Variants in ZNF30 observed in about 807,000 individuals in gnomAD.
ZNF30 encodes the protein zinc finger protein 30.
A neutral mutation model predicts 13.2 loss-of-function variants in ZNF30; 15 were observed. The ratio of observed to expected loss-of-function variants is 1.13; its 90% CI spans 0.76 to 1.75. ZNF30 has a LOEUF of 1.75. Among genes scored for constraint, ZNF30 ranks in the 40% most tolerant of loss-of-function variants. The probability of loss-of-function intolerance (pLI) is 0.00; values close to 1 mark genes in which losing one functional copy is unlikely to be tolerated. For missense variants in ZNF30, 726 were observed against 757.0 expected (o/e 0.96, Z 0.48); for synonymous variants, 223 against 256.6 (o/e 0.87, Z 1.25).
In ZNF30 at chr19:34,944,124, T is replaced by C. The variant is rs761591012; in HGVS notation, c.1158T>C (p.Tyr386=). ...ECGRTFSRAS[Y]LVQHGRLHTG... is the part of the protein sequence containing the mutation. ...GGAGAACCTTCAGTCGTGCCTCATA[T>C]CTTGTTCAACATGGAAGACTTCACA... is the stretch of plus-strand genomic sequence containing the variant. Residue 386 remains tyrosine (Y), a synonymous_variant, in exon 5 of 5, where the codon TAT becomes TAC. Transcript: ENST00000601142. 12 of 1,613,168 alleles carry C rather than the reference T, an allele frequency of 7.4e-6. No homozygotes were observed. The Admixed American group carries it at 1.2e-4, about 16-fold the overall frequency.
intron 2 of ZNF30, among the ~76,000 whole-genome samples, chr19:34,930,967 G>T (rs529061973): frequency 6.6e-6 from 1 of 152,052 alleles, no homozygotes. Context: ...TACCAGAACT[G>T]GGGAAAACTG....
intron 2 of ZNF30, among the ~76,000 whole-genome samples, chr19:34,931,013 A>G (rs564015126): frequency 1.3e-5 from 2 of 151,618 alleles, no homozygotes; most frequent in East Asian, 3.9e-4. Flanking sequence ...TAAGTATAAA[A>G]TCATTACTTT....
chr19:34,931,947 G>C lies in ZNF30; in HGVS notation c.114G>C (p.Leu38Phe), dbSNP rs1412945426. Residue 38 changes from leucine (L) to phenylalanine (F), a missense_variant, in exon 3 of 5, where the codon TTG becomes TTC. Leu to Phe is a conservative substitution (Grantham distance 22). Coordinates refer to ENST00000601142, the MANE Select transcript of ZNF30 (RefSeq NM_194325.3). ...WESLDSSQRG[L>F]YRDVMLENYR... Reference sequence around the variant, plus strand: ...GTCTGGACTCTTCCCAGAGGGGCTTGTACAGAGATGTGATGTTGGAGAACT... The same window carrying C: ...GTCTGGACTCTTCCCAGAGGGGCTTCTACAGAGATGTGATGTTGGAGAACT... 1 of 1,609,658 alleles carries C rather than the reference G, an allele frequency of 6.2e-7. No homozygotes were observed. The highest frequency in any genetic ancestry group is 1.7e-5 in the Admixed American group (1 of 58,750).
At chr19:34,928,220 A>AAAAAATATATATAT (rs1555778254) in intron 1 of ZNF30, among the ~76,000 whole-genome samples, 2 of 73,414 alleles carry the variant, frequency 2.7e-5, no homozygotes, top group South Asian at 5.0e-4. Context: ...AAAAAAAAAA[A>AAAAAATATATATAT]ATATATATAT....
At chr19:34,941,466 T>C (rs1168709920) in intron 4 of ZNF30, among the ~76,000 whole-genome samples, 2 of 152,238 alleles carry the variant, frequency 1.3e-5, no homozygotes, top group Non-Finnish European at 1.5e-5. Context: ...GGTTTTGCCA[T>C]GTTGGCCAGG....
At position 34,932,003 on chromosome 19, in the gene ZNF30, C is replaced by T. The variant is rs1236788351; in HGVS notation, c.160+10C>T. 13 of 1,561,924 alleles carry T rather than the reference C, an allele frequency of 8.3e-6. No individual in the cohort carries two copies. The highest frequency in any genetic ancestry group is 1.1e-5 in the Non-Finnish European group (13 of 1,159,044). Reference sequence around the variant, plus strand: ...AACTTGGTGTCAATGGGTAAGTGTACTTCTCTCAAATAATTGAGAATCTGC... The same window carrying T: ...AACTTGGTGTCAATGGGTAAGTGTATTTCTCTCAAATAATTGAGAATCTGC... On this transcript the variant is annotated intron_variant, in intron 3 of 4. Transcript: ENST00000601142.
intron 4 of ZNF30, among the ~76,000 whole-genome samples, chr19:34,935,959 A>G (rs896947694): frequency 4.1e-5 from 6 of 147,312 alleles, no homozygotes; most frequent in Middle Eastern, 3.6e-3. Flanking sequence ...GGCAGCAGAC[A>G]AGAGAGAATG....
chr19:34,941,479 G>A (rs528025361), intron 4 of ZNF30, among the ~76,000 whole-genome samples: 25 of 152,202 alleles, frequency 1.6e-4, no homozygotes, highest in Non-Finnish European at 2.9e-4. Context: ...TGGCCAGGCT[G>A]GTCTTGAACT....
chr19:34,933,407 C>T (rs928043103), intron 3 of ZNF30, among the ~76,000 whole-genome samples: 3 of 152,014 alleles, frequency 2.0e-5, no homozygotes, highest in Non-Finnish European at 2.9e-5. Flanking sequence ...GAGCTGAGAT[C>T]GCACACTGCA....
chr19:34,936,308 G>A (rs1383909088), intron 4 of ZNF30, among the ~76,000 whole-genome samples: 1 of 152,162 alleles, frequency 6.6e-6, no homozygotes, highest in East Asian at 1.9e-4. Context: ...AGAAGGCAGA[G>A]TGTTCATCAT....
intron 1 of ZNF30, among the ~76,000 whole-genome samples, chr19:34,928,848 T>C (rs996625305): frequency 6.6e-6 from 1 of 152,058 alleles, no homozygotes; most frequent in African/African-American, 2.4e-5. Flanking sequence ...AAATCTCTTA[T>C]GGTGCCTAAT....
At chr19:34,941,437 G>A (rs1385001884) in intron 4 of ZNF30, among the ~76,000 whole-genome samples, 1 of 152,148 alleles carries the variant, frequency 6.6e-6, no homozygotes, top group Admixed American at 6.5e-5. Flanking sequence ...GCTAATTTTT[G>A]TATTTTTAGT....
chr19:34,933,172 T>C (rs2012547231), intron 3 of ZNF30, among the ~76,000 whole-genome samples: 1 of 151,982 alleles, frequency 6.6e-6, no homozygotes. Flanking sequence ...ATAAAACCTT[T>C]CGGCTGGGTG....
intron 3 of ZNF30, 67 bp from the exon 4 acceptor site, chr19:34,933,561 A>C (rs2151667016): frequency 8.0e-7 from 1 of 1,247,418 alleles, no homozygotes; most frequent in South Asian, 1.3e-5. Context: ...TGGCAAATTT[A>C]ACCAAAGCTG....
In ZNF30 at chr19:34,943,551, G is replaced by A. The variant is rs73036371; in HGVS notation, c.585G>A (p.Gly195=). 1,507 of 1,613,748 alleles carry A rather than the reference G, an allele frequency of 9.3e-4. 4 individuals are homozygous for A. Among genetic ancestry groups the A allele is most frequent in the Non-Finnish European group, 1.2e-3 (1,426 of 1,179,806 alleles). ...FISGSAFVKH[G]RIHTGEKPLK... is the part of the protein sequence containing the mutation. Reference sequence around the variant, plus strand: ...GTGGCTCAGCCTTTGTTAAGCATGGGAGAATTCACACTGGTGAGAAGCCAC... The same window carrying A: ...GTGGCTCAGCCTTTGTTAAGCATGGAAGAATTCACACTGGTGAGAAGCCAC... Residue 195 remains glycine (G), a synonymous_variant, in exon 5 of 5, where the codon GGG becomes GGA. Transcript: ENST00000601142.
In ZNF30 at chr19:34,943,944, T is replaced by C. The variant is rs766095673; in HGVS notation, c.978T>C (p.Thr326=). The change falls in exon 5 of 5, where the codon ACT becomes ACC. Residue 326 remains threonine (T), a synonymous_variant. Transcript: ENST00000601142. ...YECKECGKSF[T]VYGQLTRHQS... is the part of the protein sequence containing the mutation. ...GTAAGGAGTGTGGGAAGTCCTTCAC[T>C]GTGTATGGACAGCTTACTCGACATC... is the stretch of plus-strand genomic sequence containing the variant. 4.3e-6 allele frequency: 7 copies of C among 1,614,036 alleles called. No homozygotes were observed. The highest frequency in any genetic ancestry group is 5.9e-6 in the Non-Finnish European group (7 of 1,179,990).
intron 1 of ZNF30, among the ~76,000 whole-genome samples, chr19:34,929,391 G>T (rs1568534893): frequency 6.6e-6 from 1 of 152,242 alleles, no homozygotes; most frequent in East Asian, 1.9e-4. Flanking sequence ...ACAACCACAT[G>T]TTGGAGCTGA....
intron 1 of ZNF30, among the ~76,000 whole-genome samples, chr19:34,929,652 G>A (rs907269047): frequency 6.6e-6 from 1 of 152,168 alleles, no homozygotes; most frequent in African/African-American, 2.4e-5. Context: ...CCCAAAATGG[G>A]GGCCTGGTGG....
At chr19:34,935,956 G>A (rs1425600060) in intron 4 of ZNF30, among the ~76,000 whole-genome samples, 2 of 151,924 alleles carry the variant, frequency 1.3e-5, no homozygotes, top group African/African-American at 2.4e-5. Context: ...CATGGCAGCA[G>A]ACAAGAGAGA....
Sources: allele counts gnomAD v4.1 joint callset (sites outside exome capture counted in the v4.1 genomes callset), GRCh38; gene constraint gnomAD v4.1.1; transcripts MANE v1.5; gene names NCBI Gene and HGNC (gene_info 2026-07-23, HGNC 2026-07-21).